Variants in HDAC9 observed in about 807,000 individuals in gnomAD.
The protein encoded by HDAC9 is MEF-2 interacting transcription repressor (MITR) protein.
A neutral mutation model predicts 139.4 loss-of-function variants in HDAC9; 41 were observed. That is an observed-to-expected ratio of 0.29 (90% CI 0.23 to 0.38). The LOEUF is 0.38. Ranked by LOEUF, HDAC9 falls within the 10% of genes least tolerant of loss-of-function variation. HDAC9 has a pLI of 1.00. For synonymous variants in HDAC9, 517 were observed against 476.2 expected (o/e 1.09, Z -1.12); for missense variants, 1,147 against 1,297.0 (o/e 0.88, Z 1.78).
intron 1 of HDAC9, among the ~76,000 whole-genome samples, chr7:18,094,632 A>AT (rs970771616): frequency 6.6e-5 from 10 of 151,940 alleles, no homozygotes; most frequent in African/African-American, 1.9e-4. Flanking sequence ...ATTTTTAAAC[A>AT]TTTTTTGTGG....
At chr7:18,790,050 C>A (rs1792165592) in intron 16 of HDAC9, among the ~76,000 whole-genome samples, 1 of 152,134 alleles carries the variant, frequency 6.6e-6, no homozygotes, top group Non-Finnish European at 1.5e-5. Context: ...CAGATTATAG[C>A]ATAATTCATG....
intron 1 of HDAC9, among the ~76,000 whole-genome samples, chr7:18,125,564 T>A (rs1159084048): frequency 6.6e-6 from 1 of 152,108 alleles, no homozygotes; most frequent in African/African-American, 2.4e-5. Context: ...GACAACACTT[T>A]GGAAACCTTT....
intron 2 of HDAC9, among the ~76,000 whole-genome samples, chr7:18,572,873 A>T (rs1299090247): frequency 2.0e-5 from 3 of 152,224 alleles, no homozygotes. Context: ...TTTAGAACTA[A>T]GTGGCCATTA....
At chr7:18,694,500 G>C (rs548671342) in intron 12 of HDAC9, among the ~76,000 whole-genome samples, 2 of 152,094 alleles carry the variant, frequency 1.3e-5, no homozygotes, top group Non-Finnish European at 2.9e-5. Flanking sequence ...GTCAAGAACT[G>C]GTTTATCTCC....
intron 21 of HDAC9, among the ~76,000 whole-genome samples, chr7:18,864,228 A>G (rs1463042184): frequency 6.6e-6 from 1 of 152,200 alleles, no homozygotes; most frequent in East Asian, 1.9e-4. Flanking sequence ...GCCATATGTA[A>G]CAACATGGAT....
At chr7:18,535,090 G>T (rs561990017) in intron 2 of HDAC9, among the ~76,000 whole-genome samples, 1 of 152,160 alleles carries the variant, frequency 6.6e-6, no homozygotes, top group African/African-American at 2.4e-5. Flanking sequence ...TCTCCTTTCA[G>T]TGGGGCTGTT....
At chr7:18,704,275 A>G (rs970262423) in intron 12 of HDAC9, among the ~76,000 whole-genome samples, 2 of 152,188 alleles carry the variant, frequency 1.3e-5, no homozygotes, top group African/African-American at 4.8e-5. Context: ...TTTTGCTTAC[A>G]CACTTCTTCC....
chr7:18,808,635 G>A (rs1288779247), intron 17 of HDAC9, among the ~76,000 whole-genome samples: 1 of 151,850 alleles, frequency 6.6e-6, no homozygotes, highest in Non-Finnish European at 1.5e-5. Context: ...AACATTGATG[G>A]GAGAAATTTT....
At chr7:18,391,613 C>T (rs1786496664) in intron 1 of HDAC9, among the ~76,000 whole-genome samples, 1 of 152,028 alleles carries the variant, frequency 6.6e-6, no homozygotes, top group African/African-American at 2.4e-5. Context: ...ATAGTGTTAC[C>T]CAGAAGACAC....
chr7:18,749,153 G>T lies in HDAC9; in HGVS notation c.2043+15G>T. On this transcript the variant is annotated intron_variant, in intron 14 of 25. Coordinates refer to ENST00000686413, the MANE Select transcript of HDAC9 (RefSeq NM_178425.4). ...ATAAATGTGAGGTAATCCAGAATTG[G>T]ACACACTCTTTTACTTACTTAAATA... 6.2e-7 allele frequency: 1 copy of T among 1,612,546 alleles called. No individual in the cohort carries two copies. Among genetic ancestry groups the T allele is most frequent in the Non-Finnish European group, 8.5e-7 (1 of 1,179,186 alleles).
At chr7:18,661,446 A>G (rs1388093397) in intron 11 of HDAC9, among the ~76,000 whole-genome samples, 6 of 152,128 alleles carry the variant, frequency 3.9e-5, no homozygotes, top group Non-Finnish European at 7.4e-5. Context: ...AATTGCTCCT[A>G]TTAATCCAGT....
intron 2 of HDAC9, among the ~76,000 whole-genome samples, chr7:18,568,026 G>GTATATATATATA (rs36203178): frequency 0.016 from 2,015 of 126,644 alleles, 37 homozygotes; most frequent in Middle Eastern, 0.033. Flanking sequence ...ATATGTATAT[G>GTATATATATATA]TATATATATA....
At position 18,436,789 on chromosome 7, in the gene HDAC9, ATTG is replaced by A. The variant is rs763644037; in HGVS notation, c.-41-59470_-41-59468del. 2.6e-5 allele frequency among the ~76,000 whole-genome samples: 4 copies of A among 152,316 alleles called. No homozygotes were observed. In the East Asian group the frequency reaches 7.7e-4, roughly 29 times the overall value. On this transcript the variant is annotated intron_variant, in intron 1 of 3. Transcript: ENST00000413509. ...AATGAAATGTAGATGGTGGTTCAGC[ATTG>A]TTTATTTATTGAGGGAAGAAGTAGA...
intron 2 of HDAC9, among the ~76,000 whole-genome samples, chr7:18,180,260 CA>C (rs1789304508): frequency 6.6e-6 from 1 of 151,058 alleles, no homozygotes; most frequent in African/African-American, 2.4e-5. Context: ...CACACACACA[CA>C]CACACACACA....
intron 22 of HDAC9, among the ~76,000 whole-genome samples, chr7:18,908,006 G>A (rs539303652): frequency 5.3e-5 from 8 of 151,946 alleles, no homozygotes; most frequent in Admixed American, 1.3e-4. Context: ...AAAGGAAAAG[G>A]CATCATTTAT....
chr7:18,901,815 G>A (rs1002217019), intron 22 of HDAC9, among the ~76,000 whole-genome samples: 1 of 152,062 alleles, frequency 6.6e-6, no homozygotes, highest in Non-Finnish European at 1.5e-5. Flanking sequence ...GTTCACATCT[G>A]CATATATACA....
chr7:18,974,624 G>C (rs565224072), intron 24 of HDAC9, among the ~76,000 whole-genome samples: 1 of 152,182 alleles, frequency 6.6e-6, no homozygotes, highest in African/African-American at 2.4e-5. Context: ...AATAGTAATG[G>C]ACACCTATGT....
chr7:18,252,647 A>G (rs1794987805), intron 2 of HDAC9, among the ~76,000 whole-genome samples: 1 of 152,110 alleles, frequency 6.6e-6, no homozygotes, highest in Non-Finnish European at 1.5e-5. Flanking sequence ...ACCAAAGCAC[A>G]TTCATAAAAG....
At chr7:18,453,103 A>G (rs1003585694) in intron 1 of HDAC9, among the ~76,000 whole-genome samples, 1 of 152,202 alleles carries the variant, frequency 6.6e-6, no homozygotes, top group African/African-American at 2.4e-5. Context: ...TCTTCTAATC[A>G]GAATTTTCCT....
Sources: allele counts gnomAD v4.1 joint callset (sites outside exome capture counted in the v4.1 genomes callset), GRCh38; gene constraint gnomAD v4.1.1; transcripts MANE v1.5; gene names NCBI Gene and HGNC (gene_info 2026-07-23, HGNC 2026-07-21).